ARHGEF3: variants seen among roughly 807,000 people sequenced by gnomAD.
The protein encoded by ARHGEF3 is Rho guanine nucleotide exchange factor 3.
In ARHGEF3, 28 loss-of-function variants were observed where a neutral mutation model predicts 63.2. The ratio of observed to expected loss-of-function variants is 0.44; its 90% CI spans 0.33 to 0.61. ARHGEF3 has a LOEUF of 0.61. Ranked by LOEUF, ARHGEF3 falls within the 20% of genes least tolerant of loss-of-function variation. The probability of loss-of-function intolerance (pLI) is 0.03; values close to 1 mark genes in which losing one functional copy is unlikely to be tolerated. For missense variants in ARHGEF3, 533 were observed against 659.3 expected, an observed-to-expected ratio of 0.81 and a Z score of 2.10; for synonymous variants, 266 against 254.2, an observed-to-expected ratio of 1.05 and a Z score of -0.44.
At chr3:57,059,160 T>C (rs982192015) in intron 1 of ARHGEF3, among the ~76,000 whole-genome samples, 1 of 152,076 alleles carries the variant, frequency 6.6e-6, no homozygotes, top group Non-Finnish European at 1.5e-5. Flanking sequence ...AAAAAAGAAA[T>C]GCTGACATGC....
intron 3 of ARHGEF3, among the ~76,000 whole-genome samples, chr3:56,957,146 G>T (rs1700078091): frequency 6.6e-6 from 1 of 152,174 alleles, no homozygotes; most frequent in Admixed American, 6.5e-5. Flanking sequence ...AACCATAAAT[G>T]ACTTAGGAAG....
At chr3:57,000,917 C>T (rs967086435) in intron 2 of ARHGEF3, among the ~76,000 whole-genome samples, 3 of 151,938 alleles carry the variant, frequency 2.0e-5, no homozygotes, top group African/African-American at 7.3e-5. Context: ...TATATTATAC[C>T]TATATAACCT....
intron 2 of ARHGEF3, among the ~76,000 whole-genome samples, chr3:57,016,923 GTGTCAC>G (rs1459293134): frequency 1.3e-5 from 2 of 151,968 alleles, no homozygotes; most frequent in East Asian, 3.9e-4. Context: ...GGAAGTCACT[GTGTCAC>G]TGTCTGCCGG....
intron 4 of ARHGEF3, among the ~76,000 whole-genome samples, chr3:56,824,508 C>T (rs563606150): frequency 7.4e-4 from 112 of 152,276 alleles, no homozygotes; most frequent in African/African-American, 2.6e-3. Context: ...AACTGAGATT[C>T]GGTCAGGCTC....
intron 7 of ARHGEF3, among the ~76,000 whole-genome samples, chr3:56,738,438 C>T (rs946092185): frequency 1.3e-5 from 2 of 152,046 alleles, no homozygotes; most frequent in African/African-American, 2.4e-5. Context: ...TTCCAAAGTG[C>T]TGGGATTACA....
chr3:57,006,886 T>C (rs1702490726), intron 2 of ARHGEF3, among the ~76,000 whole-genome samples: 1 of 152,172 alleles, frequency 6.6e-6, no homozygotes, highest in Non-Finnish European at 1.5e-5. Context: ...CTGGCTGAGT[T>C]TTCCCAAAGC....
intron 2 of ARHGEF3, among the ~76,000 whole-genome samples, chr3:56,755,655 C>T (rs1454895381): frequency 6.6e-6 from 1 of 152,128 alleles, no homozygotes; most frequent in Non-Finnish European, 1.5e-5. Flanking sequence ...AGTATTCCAC[C>T]ATCCTAGTTC....
chr3:56,904,735 T>TCA (rs983306362), intron 3 of ARHGEF3, among the ~76,000 whole-genome samples: 1 of 152,180 alleles, frequency 6.6e-6, no homozygotes, highest in African/African-American at 2.4e-5. Context: ...ATTTATGTCG[T>TCA]CAGTACCCTC....
At chr3:56,831,495 G>A (rs2038929641) in intron 4 of ARHGEF3, among the ~76,000 whole-genome samples, 1 of 152,194 alleles carries the variant, frequency 6.6e-6, no homozygotes, top group African/African-American at 2.4e-5. Flanking sequence ...AGTCTCTGTT[G>A]CAACTATTCA....
intron 2 of ARHGEF3, among the ~76,000 whole-genome samples, chr3:56,985,795 G>A (rs1701511358): frequency 8.7e-6 from 1 of 114,606 alleles, no homozygotes; most frequent in Non-Finnish European, 2.0e-5. Flanking sequence ...GGAAGGCACA[G>A]ACTCTAACAA....
At chr3:56,899,281 G>C (rs2041425179) in intron 3 of ARHGEF3, among the ~76,000 whole-genome samples, 1 of 152,146 alleles carries the variant, frequency 6.6e-6, no homozygotes, top group African/African-American at 2.4e-5. Flanking sequence ...ATATGGGTGG[G>C]GCACCGGGAG....
intron 2 of ARHGEF3, among the ~76,000 whole-genome samples, chr3:56,981,681 C>G (rs982137164): frequency 6.6e-5 from 10 of 152,166 alleles, no homozygotes; most frequent in African/African-American, 2.2e-4. Context: ...ACCAGCTGAC[C>G]ACCCTCATTT....
At chr3:57,029,473 G>A (rs1245126155) in intron 2 of ARHGEF3, among the ~76,000 whole-genome samples, 1 of 151,912 alleles carries the variant, frequency 6.6e-6, no homozygotes, top group Non-Finnish European at 1.5e-5. Context: ...TGATCACATA[G>A]TTGAAGGACT....
At chr3:56,881,596 A>G (rs1168606179) in intron 4 of ARHGEF3, among the ~76,000 whole-genome samples, 2 of 152,180 alleles carry the variant, frequency 1.3e-5, no homozygotes, top group African/African-American at 4.8e-5. Context: ...ATCATCACCA[A>G]TAGTCAACTA....
intron 2 of ARHGEF3, among the ~76,000 whole-genome samples, chr3:56,966,262 G>A (rs1169209309): frequency 6.6e-6 from 1 of 152,170 alleles, no homozygotes; most frequent in African/African-American, 2.4e-5. Context: ...TGTATAGTGG[G>A]TACAGAGATG....
chr3:56,735,384 C>CT (rs1361807925), intron 8 of ARHGEF3, among the ~76,000 whole-genome samples: 1 of 152,056 alleles, frequency 6.6e-6, no homozygotes, highest in Non-Finnish European at 1.5e-5. Context: ...AACTACTGTG[C>CT]TTTTTTTCTG....
intron 8 of ARHGEF3, among the ~76,000 whole-genome samples, chr3:56,733,209 G>A (rs2033317880): frequency 6.6e-6 from 1 of 151,510 alleles, no homozygotes; most frequent in South Asian, 2.1e-4. Context: ...CATGAACCCA[G>A]GAAGTGGAGC....
At chr3:57,004,506 G>A (rs1287419828) in intron 2 of ARHGEF3, among the ~76,000 whole-genome samples, 1 of 152,164 alleles carries the variant, frequency 6.6e-6, no homozygotes, top group African/African-American at 2.4e-5. Flanking sequence ...GCCAAGGCCA[G>A]GCACATAAGC....
At chr3:56,807,236 T>A (rs574770629) in intron 4 of ARHGEF3, among the ~76,000 whole-genome samples, 1 of 152,158 alleles carries the variant, frequency 6.6e-6, no homozygotes, top group East Asian at 1.9e-4. Context: ...CATTCATTTA[T>A]CAAATAATTA....
Sources: gnomAD v4.1 joint callset for allele counts (sites outside exome capture counted in the v4.1 genomes callset) on GRCh38, gnomAD v4.1.1 for gene constraint, MANE v1.5 for transcripts, NCBI Gene and HGNC (gene_info 2026-07-23, HGNC 2026-07-21) for gene names.